ABL2: variants seen among roughly 807,000 people sequenced by gnomAD.
The protein encoded by ABL2 is tyrosine-protein kinase ABL2.
ABL2 carries 49 observed loss-of-function variants against 107.7 expected under a neutral mutation model. The ratio of observed to expected loss-of-function variants is 0.45; its 90% confidence interval spans 0.36 to 0.58. ABL2 has a LOEUF of 0.58. Ranked by LOEUF, ABL2 falls within the 20% of genes least tolerant of loss-of-function variation. ABL2 has a pLI of 0.00. For synonymous variants in ABL2, 549 were observed against 548.6 expected (o/e 1.00, Z -0.01); for missense variants, 1,245 against 1,457.0 (o/e 0.85, Z 2.37).
intron 9 of ABL2, 108 bp downstream of exon 9, chr1:179,114,760 AATGTCATGAG>A: frequency 9.4e-7 from 1 of 1,060,958 alleles, no homozygotes; most frequent in Admixed American, 3.0e-5. Context: ...AAACTCTTTA[AATGTCATGAG>A]GCTGGATTCA....
At chr1:179,158,644 G>GA (rs1658856305) in intron 1 of ABL2, among the ~76,000 whole-genome samples, 1 of 152,138 alleles carries the variant, frequency 6.6e-6, no homozygotes, top group Admixed American at 6.5e-5. Context: ...GGTGAAGAAT[G>GA]AATTTAAGAA....
At chr1:179,143,333 A>G (rs1657757511) in intron 1 of ABL2, among the ~76,000 whole-genome samples, 1 of 152,264 alleles carries the variant, frequency 6.6e-6, no homozygotes, top group African/African-American at 2.4e-5. Context: ...ATATATGTAT[A>G]ACAAATAGCC....
At chr1:179,228,493 C>T (rs941054653) in intron 1 of ABL2, among the ~76,000 whole-genome samples, 5 of 152,050 alleles carry the variant, frequency 3.3e-5, no homozygotes, top group African/African-American at 1.2e-4. Flanking sequence ...TATATGGGCA[C>T]ACGCACACAC....
intron 9 of ABL2, among the ~76,000 whole-genome samples, chr1:179,114,085 T>C (rs1654374698): frequency 6.6e-6 from 1 of 150,558 alleles, no homozygotes; most frequent in South Asian, 2.1e-4. Context: ...CAAAACCCCA[T>C]CTCTACCAAA....
At chr1:179,154,105 T>C (rs1658538641) in intron 1 of ABL2, among the ~76,000 whole-genome samples, 1 of 152,150 alleles carries the variant, frequency 6.6e-6, no homozygotes, top group African/African-American at 2.4e-5. Context: ...TTGGTACCAT[T>C]ATCTTAATTC....
chr1:179,138,371 T>C (rs1316821662), intron 1 of ABL2, among the ~76,000 whole-genome samples: 1 of 152,162 alleles, frequency 6.6e-6, no homozygotes, highest in Admixed American at 6.5e-5. Context: ...AGTACTGCGA[T>C]TACAAGCACG....
intron 3 of ABL2, 27 bp downstream of exon 3, chr1:179,131,284 T>C (rs776069405): frequency 1.2e-6 from 2 of 1,602,306 alleles, no homozygotes; most frequent in Admixed American, 1.7e-5. Flanking sequence ...AACTGAAAAG[T>C]GAAAGGATGC....
intron 1 of ABL2, among the ~76,000 whole-genome samples, chr1:179,175,847 C>CTTTTT (rs777854254): frequency 3.0e-5 from 4 of 132,196 alleles, no homozygotes; most frequent in African/African-American, 2.8e-5. Context: ...ACACATTCTT[C>CTTTTT]TTTTTTTTTT....
intron 1 of ABL2, among the ~76,000 whole-genome samples, chr1:179,204,904 A>C (rs1661868821): frequency 6.6e-6 from 1 of 152,200 alleles, no homozygotes; most frequent in African/African-American, 2.4e-5. Context: ...GTTTCAGATA[A>C]ATGTAGTTAC....
intron 1 of ABL2, among the ~76,000 whole-genome samples, chr1:179,146,425 GT>G (rs1657990574): frequency 6.6e-6 from 1 of 152,106 alleles, no homozygotes; most frequent in Non-Finnish European, 1.5e-5. Flanking sequence ...AGTAGCACAG[GT>G]TGAGTATACC....
chr1:179,162,134 A>G (rs1659103914), intron 1 of ABL2, among the ~76,000 whole-genome samples: 1 of 152,244 alleles, frequency 6.6e-6, no homozygotes, highest in East Asian at 1.9e-4. Context: ...GAATGAGTCA[A>G]TATTTCCCAA....
intron 1 of ABL2, among the ~76,000 whole-genome samples, chr1:179,148,039 CTTT>C (rs1393464807): frequency 2.3e-5 from 3 of 131,034 alleles, no homozygotes; most frequent in Non-Finnish European, 3.2e-5. Flanking sequence ...CTTTTCTTTT[CTTT>C]TTTTTTTTTT....
rs544507835 is a variant in ABL2, at chr1:179,100,736, C to T, written c.*6982G>A. 1 of 230,804 alleles carries T rather than the reference C, an allele frequency of 4.3e-6. No individual in the cohort carries two copies. Among genetic ancestry groups the T allele is most frequent in the East Asian group, 6.2e-5 (1 of 16,232 alleles). 14.3% of individuals were successfully genotyped at this position (230,804 alleles called of 1,614,324 possible). On this transcript the variant is annotated 3_prime_UTR_variant, in exon 12 of 12. Transcript: ENST00000502732. The stretch of plus-strand genomic sequence containing the variant: ...TGCGAGTACAGTGATGAACAAAGAA[C>T]CTTCCAGAATAGACACAGATGACAT...
At position 179,108,341 on chromosome 1, in the gene ABL2, G is replaced by A. The variant is rs1369223498; in HGVS notation, c.2926C>T (p.Arg976Ter). Residue 976 changes from arginine to a stop codon, truncating the protein, a stop_gained, in exon 12 of 12, where the codon CGA becomes TGA. Coordinates refer to ENST00000502732, the MANE Select transcript of ABL2 (RefSeq NM_007314.4). LOFTEE classifies it high-confidence loss of function. ...GGGGCACACTTTGGTTTTACCCGTCGGGGTCGGTCCTTGTCTCCAGAGGAT... is the reference window on the plus strand; with the variant it reads ...GGGGCACACTTTGGTTTTACCCGTCAGGGTCGGTCCTTGTCTCCAGAGGAT... ...VTSSGDKDRP[R>*]RVKPKCAPPP... is the part of the protein sequence containing the mutation. The A allele has an allele frequency of 5.6e-6, 9 of 1,614,242 alleles. No homozygotes were observed. Among genetic ancestry groups the A allele is most frequent in the Admixed American group, 3.3e-5 (2 of 60,028 alleles).
At chr1:179,204,399 A>C (rs1332850807) in intron 1 of ABL2, among the ~76,000 whole-genome samples, 1 of 152,166 alleles carries the variant, frequency 6.6e-6, no homozygotes, top group African/African-American at 2.4e-5. Flanking sequence ...TGCAGAGTTA[A>C]AAGTGAAAGT....
chr1:179,101,377 C>CTTTTTTTTTTTTTTTTTTTTTTTTTTT lies in ABL2; in HGVS notation c.*6340_*6341insAAAAAAAAAAAAAAAAAAAAAAAAAAA, dbSNP rs71108091. 1 of 166,924 alleles carries CTTTTTTTTTTTTTTTTTTTTTTTTTTT rather than the reference C, an allele frequency of 6.0e-6. No homozygotes were observed. The allele number at this position is 166,924 out of a possible 1,614,324, so 10.3% of individuals were successfully genotyped here. A position where few individuals can be genotyped will look rare whatever the true frequency, so the allele number is the denominator to read the frequency against. ...ATATTGAGTCAGAAATGAAGGTATCCTTTTTTTTTTTTTTCTTCTTAACGT... is the reference window on the plus strand; with the variant it reads ...ATATTGAGTCAGAAATGAAGGTATCCTTTTTTTTTTTTTTTTTTTTTTTTTTTTTTTTTTTTTTTTTCTTCTTAACGT... On this transcript the variant is annotated 3_prime_UTR_variant, in exon 12 of 12. Transcript: ENST00000502732.
chr1:179,135,620 C>A (rs553944887), intron 1 of ABL2, among the ~76,000 whole-genome samples: 132 of 151,196 alleles, frequency 8.7e-4, no homozygotes, highest in Non-Finnish European at 1.7e-3. Context: ...GCCCCCCACC[C>A]GGCCAGCCGC....
In ABL2 at chr1:179,114,903, A is replaced by AG. The variant is rs753365868; in HGVS notation, c.1535dup (p.Lys513Ter). The stretch of plus-strand genomic sequence containing the variant: ...ATGCTCTCATAAGTTCATAAACCTT[A>AG]GGGGGGCATCCCTCAGGCTGTTCCA... On this transcript the variant is annotated frameshift_variant, in exon 9 of 12. Coordinates refer to ENST00000502732, the MANE Select transcript of ABL2 (RefSeq NM_007314.4). LOFTEE classifies it high-confidence loss of function. 3 of 1,609,968 alleles carry AG rather than the reference A, an allele frequency of 1.9e-6. No homozygotes were observed. Among genetic ancestry groups the AG allele is most frequent in the Non-Finnish European group, 2.5e-6 (3 of 1,178,542 alleles).
chr1:179,117,406 G>T lies in ABL2; in HGVS notation c.1334C>A (p.Ala445Asp), dbSNP rs368415815. The T allele has an allele frequency of 1.9e-6, 3 of 1,613,986 alleles. No homozygotes were observed. The African/African-American group carries it at 4.0e-5, about 22-fold the overall frequency. ...TGDTYTAHAG[A>D]KFPIKWTAPE... is the part of the protein sequence containing the mutation. ...TGCTGTCCACTTAATAGGAAATTTG[G>T]CTCCAGCATGAGCAGTATAAGTGTC... Residue 445 changes from alanine (A) to aspartate (D), a missense_variant, in exon 8 of 12, where the codon GCC becomes GAC. Around this residue, in one of 3 missense-constraint regions of ABL2, gnomAD observed 320 missense variants for 547.0 expected, o/e 0.59. Coordinates refer to ENST00000502732, the MANE Select transcript of ABL2 (RefSeq NM_007314.4).
Sources: gnomAD v4.1 joint callset for allele counts (sites outside exome capture counted in the v4.1 genomes callset) on GRCh38, gnomAD v4.1.1 for gene constraint, gnomAD v4.1.1 regional missense constraint, MANE v1.5 for transcripts, NCBI Gene and HGNC (gene_info 2026-07-23, HGNC 2026-07-21) for gene names.